KCNT2: variants seen among roughly 807,000 people sequenced by gnomAD.
The protein encoded by KCNT2 is potassium channel subfamily T member 2.
A neutral mutation model predicts 153.8 loss-of-function variants in KCNT2; 67 were observed. That is an observed-to-expected ratio of 0.44 (90% confidence interval 0.36 to 0.53). The LOEUF (loss-of-function observed/expected upper bound fraction) is 0.53, where lower values mean the gene tolerates loss of function less well. Ranked by LOEUF, KCNT2 falls within the 20% of genes least tolerant of loss-of-function variation. The pLI, the probability that KCNT2 is intolerant of heterozygous loss-of-function variation, is 0.00. For missense variants in KCNT2, 975 were observed against 1,354.8 expected (o/e 0.72, Z 4.40); for synonymous variants, 500 against 458.8 (o/e 1.09, Z -1.15).
chr1:196,332,788 T>G (rs1039229568), intron 17 of KCNT2, among the ~76,000 whole-genome samples: 13 of 150,856 alleles, frequency 8.6e-5, no homozygotes, highest in Non-Finnish European at 1.8e-4. Context: ...TTGGCTAGTT[T>G]TTTTTTTTTT....
chr1:196,405,729 A>C (rs1671776196), intron 12 of KCNT2, among the ~76,000 whole-genome samples: 1 of 151,514 alleles, frequency 6.6e-6, no homozygotes, highest in Non-Finnish European at 1.5e-5. Flanking sequence ...CAGCACTTGA[A>C]AATTGATCTA....
intron 1 of KCNT2, among the ~76,000 whole-genome samples, chr1:196,539,873 G>A (rs1344316351): frequency 6.6e-6 from 1 of 151,500 alleles, no homozygotes; most frequent in Non-Finnish European, 1.5e-5. Context: ...ATATCAAAAT[G>A]AGTGATGATA....
At chr1:196,579,456 A>C (rs1229318647) in intron 1 of KCNT2, among the ~76,000 whole-genome samples, 1 of 152,008 alleles carries the variant, frequency 6.6e-6, no homozygotes, top group Non-Finnish European at 1.5e-5. Flanking sequence ...AAACATGCAC[A>C]TGTACCCCTA....
chr1:196,434,569 C>T lies in KCNT2; in HGVS notation c.639-4812G>A, dbSNP rs528368422. ...GCGGGATTCTCACTGTTTAAAGAAA[C>T]CTCTATAACCTGTAGTTTGATAGAT... On this transcript the variant is annotated intron_variant, in intron 8 of 27. Coordinates refer to ENST00000294725, the MANE Select transcript of KCNT2 (RefSeq NM_198503.5). 2.0e-5 allele frequency among the ~76,000 whole-genome samples: 3 copies of T among 151,994 alleles called. No individual in the cohort carries two copies. The Middle Eastern group carries it at 0.01, about 517-fold the overall frequency.
At chr1:196,508,248 A>G (rs1316027759) in intron 1 of KCNT2, among the ~76,000 whole-genome samples, 1 of 150,070 alleles carries the variant, frequency 6.7e-6, no homozygotes, top group Non-Finnish European at 1.5e-5. Context: ...TTGGATCTCT[A>G]TCTCACAGTA....
At chr1:196,264,972 T>C (rs1423908484) in intron 25 of KCNT2, among the ~76,000 whole-genome samples, 1 of 152,174 alleles carries the variant, frequency 6.6e-6, no homozygotes, top group East Asian at 1.9e-4. Context: ...AGCCAGTTTC[T>C]TTTCCTTGCT....
intron 1 of KCNT2, among the ~76,000 whole-genome samples, chr1:196,518,961 C>T (rs1288065407): frequency 6.6e-6 from 1 of 152,114 alleles, no homozygotes; most frequent in African/African-American, 2.4e-5. Context: ...CTCTACAGAA[C>T]TCTCTACCCA....
At chr1:196,485,523 T>A (rs1456938044) in intron 3 of KCNT2, among the ~76,000 whole-genome samples, 1 of 151,992 alleles carries the variant, frequency 6.6e-6, no homozygotes, top group African/African-American at 2.4e-5. Flanking sequence ...TTTTCTTTGG[T>A]CTGTGATATT....
chr1:196,257,310 C>CT, intron 26 of KCNT2: 3 of 982,986 alleles, frequency 3.1e-6, no homozygotes, highest in Non-Finnish European at 3.6e-6. Context: ...CTCTTAAACT[C>CT]TAATTCAAAG....
At chr1:196,596,903 T>A (rs569769633) in intron 1 of KCNT2, among the ~76,000 whole-genome samples, 4 of 152,062 alleles carry the variant, frequency 2.6e-5, no homozygotes, top group Non-Finnish European at 5.9e-5. Flanking sequence ...AGTTTTGCCA[T>A]TTTTCCCAGG....
chr1:196,279,428 T>A (rs1013291720), intron 25 of KCNT2, among the ~76,000 whole-genome samples: 2 of 151,872 alleles, frequency 1.3e-5, no homozygotes, highest in Non-Finnish European at 2.9e-5. Context: ...AAAATTTTTT[T>A]TTATTATTAT....
intron 25 of KCNT2, among the ~76,000 whole-genome samples, chr1:196,273,710 G>A (rs1409382662): frequency 6.6e-6 from 1 of 151,590 alleles, no homozygotes; most frequent in African/African-American, 2.4e-5. Flanking sequence ...TTTTTGTTTT[G>A]CTGAAATTGT....
intron 26 of KCNT2, among the ~76,000 whole-genome samples, chr1:196,252,071 GT>G (rs1261169244): frequency 6.6e-6 from 1 of 151,540 alleles, no homozygotes; most frequent in Non-Finnish European, 1.5e-5. Flanking sequence ...ATATATTAGG[GT>G]TTAGATGTTT....
chr1:196,543,721 C>CAAAAT (rs1656689782), intron 1 of KCNT2, among the ~76,000 whole-genome samples: 1 of 151,790 alleles, frequency 6.6e-6, no homozygotes, highest in Non-Finnish European at 1.5e-5. Context: ...ATCAGATGGC[C>CAAAAT]AAAATAAAAA....
At chr1:196,242,586 T>C (rs768805034) in intron 26 of KCNT2, among the ~76,000 whole-genome samples, 14 of 152,180 alleles carry the variant, frequency 9.2e-5, no homozygotes, top group African/African-American at 1.4e-4. Flanking sequence ...TTATGATCAG[T>C]TGATAATTGT....
At chr1:196,502,821 T>TA (rs1340553794) in intron 1 of KCNT2, among the ~76,000 whole-genome samples, 1 of 152,172 alleles carries the variant, frequency 6.6e-6, no homozygotes, top group Non-Finnish European at 1.5e-5. Context: ...TTATTTAAAA[T>TA]AATTAAATCC....
At chr1:196,438,611 C>G (rs1376087417) in intron 8 of KCNT2, among the ~76,000 whole-genome samples, 3 of 151,744 alleles carry the variant, frequency 2.0e-5, no homozygotes, top group Non-Finnish European at 2.9e-5. Context: ...AAACTGACAA[C>G]GAATTCTTGG....
chr1:196,547,211 A>G (rs1009888762), intron 1 of KCNT2, among the ~76,000 whole-genome samples: 7 of 152,012 alleles, frequency 4.6e-5, no homozygotes, highest in Admixed American at 1.3e-4. Context: ...TTAAAAACTC[A>G]GGATGCTCAG....
chr1:196,380,688 A>G (rs1340320406), intron 13 of KCNT2, among the ~76,000 whole-genome samples: 2 of 152,196 alleles, frequency 1.3e-5, no homozygotes, highest in African/African-American at 4.8e-5. Context: ...TTTATGGGGA[A>G]AAAGTTTATT....
Sources: gnomAD v4.1 joint callset for allele counts (sites outside exome capture counted in the v4.1 genomes callset) on GRCh38, gnomAD v4.1.1 for gene constraint, MANE v1.5 for transcripts, NCBI Gene and HGNC (gene_info 2026-07-23, HGNC 2026-07-21) for gene names.